The following SLU7 variants were observed in gnomAD, a reference collection of about 807,000 sequenced individuals.
SLU7 encodes spliceosome associated SLU7, also known as pre-mRNA-splicing factor SLU7.
Under a neutral mutation model 87.0 loss-of-function variants are expected in SLU7, and 60 were observed. The observed-to-expected ratio is 0.69, with a 90% CI of 0.56 to 0.86. SLU7 has a LOEUF of 0.86. SLU7 is among the 40% of genes least tolerant of loss of function. The pLI is 0.00. For missense variants in SLU7, 507 were observed against 686.6 expected, an observed-to-expected ratio of 0.74 and a Z score of 2.92; for synonymous variants, 197 against 222.0, an observed-to-expected ratio of 0.89 and a Z score of 1.00.
chr5:160,409,264 AT>A (rs1182716518), intron 6 of SLU7, among the ~76,000 whole-genome samples: 1 of 152,164 alleles, frequency 6.6e-6, no homozygotes, highest in Non-Finnish European at 1.5e-5. Context: ...CAGTATTGTA[AT>A]TTAAGGAGAG....
At position 160,408,635 on chromosome 5, in the gene SLU7, G is replaced by A. The variant is rs1275688576; in HGVS notation, c.687+15C>T. 1.3e-6 allele frequency: 2 copies of A among 1,513,080 alleles called. No homozygotes were observed. Among genetic ancestry groups the A allele is most frequent in the African/African-American group, 1.4e-5 (1 of 72,692 alleles). 93.7% of individuals were successfully genotyped at this position (1,513,080 alleles called of 1,614,324 possible). A position where few individuals can be genotyped will look rare whatever the true frequency, so the allele number is the denominator to read the frequency against. ...AAAATTTAACATATACTCAGAGACA[G>A]CAAATATGTATTACCATCTGAGAAT... On this transcript the variant is annotated intron_variant, in intron 7 of 15. Coordinates refer to ENST00000297151, the MANE Select transcript of SLU7 (RefSeq NM_006425.5).
chr5:160,417,093 T>G (rs1444092303), intron 1 of SLU7: 1 of 152,240 alleles, frequency 6.6e-6, no homozygotes, highest in Non-Finnish European at 1.5e-5. Context: ...CGTGGAACTG[T>G]TAAGTCCAAC....
At position 160,404,853 on chromosome 5, in the gene SLU7, T is replaced by C. The variant is rs769122890; in HGVS notation, c.1420A>G (p.Ile474Val). The C allele has an allele frequency of 6.2e-7, 1 of 1,610,690 alleles. No homozygotes were observed. Residue 474 changes from isoleucine to valine, a missense_variant, in exon 14 of 16, where the codon ATA becomes GTA. Ile to Val is a conservative substitution (Grantham distance 29). Coordinates refer to ENST00000297151, the MANE Select transcript of SLU7 (RefSeq NM_006425.5). ...TTTTTCACAGATTCTTCCCCAGTTA[T>C]CTCATTTATAATACACTCCTCAGAG... ...VNSEECIINE[I>V]TGEESVKKPQ...
rs1419385471 is a variant in SLU7, at chr5:160,406,504, A to C, written c.1251T>G (p.Ser417=). ...IKGQERAVAC[S]KYEEDVKIHN... ...GGATCTTCACATCCTCCTCATACTT[A>C]GAGCAGGCAACAGCCCGCTCCTGTC... is the stretch of plus-strand genomic sequence containing the variant. The change falls in exon 12 of 16, where the codon TCT becomes TCG. Residue 417 remains serine (S), a synonymous_variant. Transcript: ENST00000297151. The C allele has an allele frequency of 1.2e-6, 2 of 1,613,026 alleles. No homozygotes were observed. The highest frequency in any genetic ancestry group is 1.7e-5 in the Admixed American group (1 of 59,738).
rs1270092783 is a variant in SLU7, at chr5:160,404,690, G to C, written c.1464+119C>G. On this transcript the variant is annotated intron_variant, in intron 14 of 15. Transcript: ENST00000297151. The stretch of plus-strand genomic sequence containing the variant: ...GCAGTGGGCCCAGACCGTGCACTGC[G>C]CTCGAGCCTGGGCGACAGAATGAGA... 3 of 887,156 alleles carry C rather than the reference G, an allele frequency of 3.4e-6. No individual in the cohort carries two copies. In the African/African-American group the frequency reaches 5.1e-5, roughly 15 times the overall value. The allele number at this position is 887,156 out of a possible 1,614,324, so 55.0% of individuals were successfully genotyped here.
rs763213219 is a variant in SLU7, at chr5:160,408,317, G to C, written c.819+12C>G. On this transcript the variant is annotated intron_variant, in intron 8 of 15. Coordinates refer to ENST00000297151, the MANE Select transcript of SLU7 (RefSeq NM_006425.5). ...ATTTTTCAAATATGTATGTTAAGCT[G>C]ACAAGACTTACTTTTGCAATATCTT... The C allele has an allele frequency of 1.9e-6, 3 of 1,601,712 alleles. No homozygotes were observed. The South Asian group carries it at 3.4e-5, about 18-fold the overall frequency.
intron 5 of SLU7, 62 bp from the exon 6 acceptor site, chr5:160,412,581 C>T (rs113305350): frequency 1.7e-5 from 17 of 971,498 alleles, no homozygotes; most frequent in African/African-American, 1.2e-4. Context: ...TTACTTACAA[C>T]ATTCAAGTCA....
chr5:160,408,704 C>T lies in SLU7; in HGVS notation c.640-7G>A. On this transcript the variant is annotated splice_polypyrimidine_tract_variant and splice_region_variant and intron_variant, in intron 6 of 15. Transcript: ENST00000297151. Reference sequence around the variant, plus strand: ...ACTGGTGTTTTGGAGAATTCTGCATCATGAAAGAAGAAAAATCATTCATAA... The same window carrying T: ...ACTGGTGTTTTGGAGAATTCTGCATTATGAAAGAAGAAAAATCATTCATAA... The T allele has an allele frequency of 6.6e-7, 1 of 1,513,030 alleles. No individual in the cohort carries two copies. Among genetic ancestry groups the T allele is most frequent in the Non-Finnish European group, 9.0e-7 (1 of 1,113,200 alleles). 93.7% of individuals were successfully genotyped at this position (1,513,030 alleles called of 1,614,324 possible).
intron 2 of SLU7, 43 bp from the exon 3 acceptor site, chr5:160,414,515 G>T: frequency 7.5e-7 from 1 of 1,335,346 alleles, no homozygotes; most frequent in Non-Finnish European, 1.0e-6. Flanking sequence ...GGATAAAATT[G>T]GAAAATAATC....
chr5:160,413,957 C>T lies in SLU7; in HGVS notation c.347G>A (p.Arg116His), dbSNP rs757964127. 4.2e-5 allele frequency: 66 copies of T among 1,589,460 alleles called. No individual in the cohort carries two copies. Among genetic ancestry groups the T allele is most frequent in the East Asian group, 1.8e-4 (8 of 44,216 alleles). Residue 116 changes from arginine (R) to histidine (H), a missense_variant, in exon 4 of 16, where the codon CGC (arginine) becomes CAC (histidine). By Grantham distance (29) the Arg-to-His change is conservative (BLOSUM62 0). Transcript: ENST00000297151. ...VKENSIITKYRKGACENCGAM... is the reference protein window; with the variant it reads ...VKENSIITKYHKGACENCGAM... The stretch of plus-strand genomic sequence containing the variant: ...CCCACAATTTTCACATGCTCCTTTG[C>T]GGTACTTAGTAATTATGGAATTCTA...
Position 160,407,708 on chromosome 5 carries a change from G to A in SLU7, c.985+38C>T, listed in dbSNP as rs1274422185. On this transcript the variant is annotated intron_variant, in intron 10 of 15. Coordinates refer to ENST00000297151, the MANE Select transcript of SLU7 (RefSeq NM_006425.5). The surrounding 1 kb of genome is among the most constrained non-coding windows in gnomAD (Gnocchi z 4.2). ...TTAAACAATCCCAAACGTCTTATGA[G>A]CTGATATAAAATGGCTTGACATAGA... 1 of 1,604,412 alleles carries A rather than the reference G, an allele frequency of 6.2e-7. No homozygotes were observed. Among genetic ancestry groups the A allele is most frequent in the Non-Finnish European group, 8.5e-7 (1 of 1,174,176 alleles).
In SLU7 at chr5:160,414,483, A is replaced by G; in HGVS notation, c.171-11T>C. 6.6e-7 allele frequency: 1 copy of G among 1,514,636 alleles called. No homozygotes were observed. Among genetic ancestry groups the G allele is most frequent in the Non-Finnish European group, 8.9e-7 (1 of 1,129,154 alleles). 93.8% of individuals were successfully genotyped at this position (1,514,636 alleles called of 1,614,324 possible). On this transcript the variant is annotated splice_polypyrimidine_tract_variant and intron_variant, in intron 2 of 15. Coordinates refer to ENST00000297151, the MANE Select transcript of SLU7 (RefSeq NM_006425.5). ...TGGGGGTTGATGTCTCTGTAATTAAAGTAAAAAAAAAAAAAATTTAAGGAT... is the reference window on the plus strand; with the variant it reads ...TGGGGGTTGATGTCTCTGTAATTAAGGTAAAAAAAAAAAAAATTTAAGGAT...
At chr5:160,410,642 G>A (rs1446807559) in intron 6 of SLU7, among the ~76,000 whole-genome samples, 2 of 151,978 alleles carry the variant, frequency 1.3e-5, no homozygotes, top group Non-Finnish European at 2.9e-5. Flanking sequence ...TCCTTACTGG[G>A]GAAATAAATT....
chr5:160,405,199 TG>T, intron 12 of SLU7, 64 bp from the exon 13 acceptor site: 8 of 1,110,018 alleles, frequency 7.2e-6, no homozygotes, highest in South Asian at 1.3e-5. Context: ...TGTATACTGT[TG>T]ATAAGAGTAT....
chr5:160,406,416 A>C lies in SLU7; in HGVS notation c.1287+52T>G, dbSNP rs1581062391. On this transcript the variant is annotated intron_variant, in intron 12 of 15. Transcript: ENST00000297151. ...TAATAAAGTTGTAGTGGAAAAATGC[A>C]ATACAGAGCAAAACCAACAAGGACA... 2.1e-6 allele frequency: 3 copies of C among 1,412,234 alleles called. No homozygotes were observed. The East Asian group carries it at 7.7e-5, about 36-fold the overall frequency. 87.5% of individuals were successfully genotyped at this position (1,412,234 alleles called of 1,614,324 possible).
At chr5:160,412,873 C>T (rs1765299523) in intron 5 of SLU7, among the ~76,000 whole-genome samples, 2 of 151,542 alleles carry the variant, frequency 1.3e-5, no homozygotes, top group Non-Finnish European at 2.9e-5. Flanking sequence ...CCATATATTA[C>T]AATATTCAAG....
chr5:160,414,845 C>T (rs967602947), intron 2 of SLU7, among the ~76,000 whole-genome samples: 17 of 152,008 alleles, frequency 1.1e-4, no homozygotes, highest in African/African-American at 2.4e-4. Flanking sequence ...AGAGATGTGA[C>T]GGTAACAACC....
Position 160,407,696 on chromosome 5 carries a change from A to G in SLU7, c.985+50T>C. ...TGAAAACAAGCTTTAAACAATCCCA[A>G]ACGTCTTATGAGCTGATATAAAATG... On this transcript the variant is annotated intron_variant, in intron 10 of 15. Transcript: ENST00000297151. This position sits in a 1 kb window ranked among gnomAD's most constrained non-coding sequence, Gnocchi z 4.2. 6.2e-7 allele frequency: 1 copy of G among 1,601,678 alleles called. No individual in the cohort carries two copies. Among genetic ancestry groups the G allele is most frequent in the Non-Finnish European group, 8.5e-7 (1 of 1,173,896 alleles).
Position 160,407,433 on chromosome 5 carries a change from C to T in SLU7, c.1125+43G>A. On this transcript the variant is annotated intron_variant, in intron 11 of 15. Coordinates refer to ENST00000297151, the MANE Select transcript of SLU7 (RefSeq NM_006425.5). The surrounding 1 kb of genome is among the most constrained non-coding windows in gnomAD (Gnocchi z 4.2). Reference sequence around the variant, plus strand: ...ACTAACGCTTATTAACTAGTAACTTCTCTTTAACAGAAGTTCTTCTTTAGC... The same window carrying T: ...ACTAACGCTTATTAACTAGTAACTTTTCTTTAACAGAAGTTCTTCTTTAGC... The T allele has an allele frequency of 6.4e-7, 1 of 1,568,554 alleles. No individual in the cohort carries two copies. Among genetic ancestry groups the T allele is most frequent in the Non-Finnish European group, 8.6e-7 (1 of 1,156,076 alleles).
Sources: allele counts gnomAD v4.1 joint callset (sites outside exome capture counted in the v4.1 genomes callset), GRCh38; gene constraint gnomAD v4.1.1; non-coding constraint Gnocchi (gnomAD v3.1); transcripts MANE v1.5; gene names NCBI Gene and HGNC (gene_info 2026-07-23, HGNC 2026-07-21).